The following KLHDC1 variants were observed in gnomAD, a reference collection of about 807,000 sequenced individuals.
KLHDC1 encodes kelch domain containing 1, also known as kelch domain-containing protein 1.
A neutral mutation model predicts 68.3 loss-of-function variants in KLHDC1; 53 were observed. The observed-to-expected ratio is 0.78, with a 90% CI of 0.62 to 0.98. The LOEUF (loss-of-function observed/expected upper bound fraction) is 0.98, where lower values mean the gene tolerates loss of function less well. Among genes scored for constraint, KLHDC1 ranks in the 50% least tolerant of loss-of-function variants. The pLI, the probability that KLHDC1 is intolerant of heterozygous loss-of-function variation, is 0.00. For synonymous variants in KLHDC1, 148 were observed against 159.0 expected, an observed-to-expected ratio of 0.93 and a Z score of 0.52; for missense variants, 470 against 492.3, an observed-to-expected ratio of 0.95 and a Z score of 0.43.
chr14:49,719,903 C>CA (rs1054094897), intron 4 of KLHDC1, among the ~76,000 whole-genome samples: 38 of 152,054 alleles, frequency 2.5e-4, no homozygotes, highest in African/African-American at 8.9e-4. Flanking sequence ...TGGCTCACTG[C>CA]AGCCTCAAAC....
At chr14:49,701,507 A>G (rs1000996170) in intron 1 of KLHDC1, among the ~76,000 whole-genome samples, 1 of 152,040 alleles carries the variant, frequency 6.6e-6, no homozygotes, top group African/African-American at 2.4e-5. Flanking sequence ...TAAAAATAGA[A>G]AAATAGCTGG....
At chr14:49,693,336 T>C in intron 1 of KLHDC1, 46 bp downstream of exon 1, 2 of 1,308,522 alleles carry the variant, frequency 1.5e-6, no homozygotes, top group Non-Finnish European at 1.0e-6. Flanking sequence ...CGGGAGACCC[T>C]CGGCCTGAGC....
intron 12 of KLHDC1, among the ~76,000 whole-genome samples, chr14:49,747,843 A>C (rs1286074043): frequency 1.3e-5 from 2 of 152,170 alleles, no homozygotes; most frequent in Non-Finnish European, 1.5e-5. Context: ...AGCACTAAAC[A>C]GCTGGGTCGC....
At chr14:49,718,223 A>T (rs1888429363) in intron 4 of KLHDC1, among the ~76,000 whole-genome samples, 2 of 152,006 alleles carry the variant, frequency 1.3e-5, no homozygotes, top group Admixed American at 1.3e-4. Context: ...TTTCCATTTC[A>T]TCTAAGTTAT....
At chr14:49,715,754 A>AT in intron 4 of KLHDC1, among the ~76,000 whole-genome samples, 3 of 140,328 alleles carry the variant, frequency 2.1e-5, no homozygotes, top group African/African-American at 7.9e-5. Context: ...AAAAAAAAAA[A>AT]AAAAAAAAAA....
chr14:49,734,709 G>A, intron 10 of KLHDC1, 48 bp downstream of exon 10: 1 of 1,084,998 alleles, frequency 9.2e-7, no homozygotes. Flanking sequence ...AATTTTTAAA[G>A]TATTAAAATA....
intron 7 of KLHDC1, 150 bp downstream of exon 7, chr14:49,729,159 C>T (rs1888742650): frequency 4.8e-6 from 3 of 627,588 alleles, no homozygotes; most frequent in Non-Finnish European, 5.7e-6. Flanking sequence ...AATTCATAAA[C>T]AGACCATACA....
chr14:49,729,184 T>C lies in KLHDC1; in HGVS notation c.651+175T>C, dbSNP rs563235779. On this transcript the variant is annotated intron_variant, in intron 7 of 12. Coordinates refer to ENST00000359332, the MANE Select transcript of KLHDC1 (RefSeq NM_172193.3). ...CAGACCATACATGAACAATCATAGA[T>C]GATTATAAATCATATTTTAATGAGG... Among the ~76,000 whole-genome samples, 3 of 152,342 alleles carry C rather than the reference T, an allele frequency of 2.0e-5. No homozygotes were observed. In the East Asian group the frequency reaches 5.8e-4, roughly 29 times the overall value.
At chr14:49,718,268 T>G (rs921436002) in intron 4 of KLHDC1, among the ~76,000 whole-genome samples, 3 of 152,114 alleles carry the variant, frequency 2.0e-5, no homozygotes, top group Non-Finnish European at 4.4e-5. Flanking sequence ...CATGGTATTC[T>G]GGTGGTTTTG....
At chr14:49,734,362 G>T (rs1323753313) in intron 9 of KLHDC1, among the ~76,000 whole-genome samples, 1 of 152,146 alleles carries the variant, frequency 6.6e-6, no homozygotes, top group African/African-American at 2.4e-5. Context: ...ATAACAAAAA[G>T]ATAAGTGGAG....
intron 1 of KLHDC1, among the ~76,000 whole-genome samples, chr14:49,694,715 A>G (rs561553525): frequency 6.6e-6 from 1 of 152,150 alleles, no homozygotes; most frequent in South Asian, 2.1e-4. Context: ...TTAGCCGGAC[A>G]TGGTGGCGGA....
chr14:49,715,112 T>C (rs1288624452), intron 4 of KLHDC1, among the ~76,000 whole-genome samples: 3 of 148,350 alleles, frequency 2.0e-5, no homozygotes, highest in Non-Finnish European at 4.5e-5. Context: ...TATATTCATA[T>C]ATATTTTACT....
intron 12 of KLHDC1, 90 bp from the exon 13 acceptor site, chr14:49,751,496 A>G (rs1330200190): frequency 1.5e-5 from 9 of 610,826 alleles, no homozygotes; most frequent in East Asian, 1.3e-4. Context: ...CAATACTACA[A>G]TGTTAAAAAA....
At chr14:49,750,217 C>T (rs1889292257) in intron 12 of KLHDC1, among the ~76,000 whole-genome samples, 1 of 152,208 alleles carries the variant, frequency 6.6e-6, no homozygotes, top group African/African-American at 2.4e-5. Flanking sequence ...ATCTGTCTCA[C>T]CTCTGGCCAT....
intron 12 of KLHDC1, among the ~76,000 whole-genome samples, chr14:49,747,785 C>T (rs796981148): frequency 6.6e-5 from 10 of 152,216 alleles, no homozygotes; most frequent in African/African-American, 2.4e-4. Context: ...GGTAGAATAT[C>T]ATCAATATGT....
chr14:49,725,395 G>A (rs1175682498), intron 5 of KLHDC1, among the ~76,000 whole-genome samples: 1 of 152,310 alleles, frequency 6.6e-6, no homozygotes, highest in Non-Finnish European at 1.5e-5. Context: ...TCCACCCTCT[G>A]CAATTTTAAA....
chr14:49,711,922 T>C (rs1171384654), intron 4 of KLHDC1, among the ~76,000 whole-genome samples: 1 of 134,346 alleles, frequency 7.4e-6, no homozygotes, highest in African/African-American at 2.8e-5. Context: ...TTTTTTTTTT[T>C]TTTTTTTTTT....
At chr14:49,700,118 C>A in intron 1 of KLHDC1, 1 of 287,870 alleles carries the variant, frequency 3.5e-6, no homozygotes, top group Non-Finnish European at 6.7e-6. Context: ...CCTCCGCCTC[C>A]CAGGTTCAAC....
chr14:49,703,385 T>A (rs1054211043), intron 1 of KLHDC1, among the ~76,000 whole-genome samples: 1 of 151,826 alleles, frequency 6.6e-6, no homozygotes, highest in Non-Finnish European at 1.5e-5. Context: ...TCCTGTTGCC[T>A]AGGCTGGATT....
Sources: gnomAD v4.1 joint callset for allele counts (sites outside exome capture counted in the v4.1 genomes callset) on GRCh38, gnomAD v4.1.1 for gene constraint, MANE v1.5 for transcripts, NCBI Gene and HGNC (gene_info 2026-07-23, HGNC 2026-07-21) for gene names.